The following DTD1 variants were observed in gnomAD, a reference collection of about 807,000 sequenced individuals.
The protein encoded by DTD1 is D-aminoacyl-tRNA deacylase 1, also known as D-tyrosyl-tRNA deacylase 1 homolog.
A neutral mutation model predicts 25.6 loss-of-function variants in DTD1; 13 were observed. That is an observed-to-expected ratio of 0.51 (90% confidence interval 0.33 to 0.81). DTD1 has a LOEUF of 0.81. Among genes scored for constraint, DTD1 ranks in the 30% least tolerant of loss-of-function variants. The pLI, the probability that DTD1 is intolerant of heterozygous loss-of-function variation, is 0.02. For missense variants in DTD1, 193 were observed against 266.4 expected, an observed-to-expected ratio of 0.72 and a Z score of 1.92; for synonymous variants, 110 against 103.6, an observed-to-expected ratio of 1.06 and a Z score of -0.37.
At chr20:18,736,321 T>A (rs758797512) in intron 4 of DTD1, among the ~76,000 whole-genome samples, 1 of 152,194 alleles carries the variant, frequency 6.6e-6, no homozygotes, top group African/African-American at 2.4e-5. Flanking sequence ...GTGAGTGGAA[T>A]CTTCAGGTGG....
intron 3 of DTD1, 42 bp downstream of exon 3, chr20:18,596,283 C>T (rs769271245): frequency 6.6e-7 from 1 of 1,522,700 alleles, no homozygotes; most frequent in South Asian, 1.2e-5. Context: ...CTTTGGGACA[C>T]TCCTGGATGG....
At chr20:18,678,730 C>T (rs2060985502) in intron 4 of DTD1, 3 of 152,258 alleles carry the variant, frequency 2.0e-5, no homozygotes, top group African/African-American at 7.2e-5. Flanking sequence ...TTCCCCATTC[C>T]TCTTCCTCCC....
At chr20:18,745,000 A>T (rs1168696641) in intron 5 of DTD1, among the ~76,000 whole-genome samples, 1 of 152,210 alleles carries the variant, frequency 6.6e-6, no homozygotes. Flanking sequence ...TGCCTGTGCC[A>T]GTCCACAGCT....
At chr20:18,717,916 AT>A (rs1175204153) in intron 4 of DTD1, among the ~76,000 whole-genome samples, 9 of 152,220 alleles carry the variant, frequency 5.9e-5, no homozygotes, top group Non-Finnish European at 8.8e-5. Context: ...CTGAAAAAAA[AT>A]ATGGTATTTA....
intron 4 of DTD1, among the ~76,000 whole-genome samples, chr20:18,724,311 C>G (rs546378287): frequency 6.6e-6 from 1 of 152,308 alleles, no homozygotes; most frequent in South Asian, 2.1e-4. Context: ...GTACCTCCCA[C>G]TGTGGTGTGT....
intron 4 of DTD1, among the ~76,000 whole-genome samples, chr20:18,686,817 C>T (rs1355047222): frequency 6.6e-6 from 1 of 152,094 alleles, no homozygotes; most frequent in Non-Finnish European, 1.5e-5. Context: ...CAGACCATGG[C>T]TATGGCCCTA....
At chr20:18,753,706 G>A (rs1411429009) in intron 5 of DTD1, among the ~76,000 whole-genome samples, 1 of 150,942 alleles carries the variant, frequency 6.6e-6, no homozygotes, top group Non-Finnish European at 1.5e-5. Flanking sequence ...AAAGCCAATT[G>A]CTGTCAAGGT....
intron 2 of DTD1, 74 bp from the exon 3 acceptor site, chr20:18,595,932 C>A: frequency 7.6e-7 from 1 of 1,318,920 alleles, no homozygotes; most frequent in Non-Finnish European, 1.1e-6. Flanking sequence ...AAGCTGGTGA[C>A]ATTTTTGGGG....
chr20:18,618,720 T>A (rs2060720255), intron 3 of DTD1, among the ~76,000 whole-genome samples: 1 of 133,196 alleles, frequency 7.5e-6, no homozygotes, highest in Admixed American at 7.5e-5. Flanking sequence ...CACATATAAT[T>A]TTTTTTTTTG....
intron 4 of DTD1, among the ~76,000 whole-genome samples, chr20:18,717,247 G>A (rs1284573989): frequency 6.6e-6 from 1 of 152,188 alleles, no homozygotes; most frequent in East Asian, 1.9e-4. Context: ...CTTGCAACAG[G>A]TGAGTTCACC....
chr20:18,742,420 G>C (rs1399419421), intron 4 of DTD1, among the ~76,000 whole-genome samples: 1 of 152,162 alleles, frequency 6.6e-6, no homozygotes, highest in African/African-American at 2.4e-5. Flanking sequence ...GGCCTGTTAG[G>C]AACTAGTCTG....
At chr20:18,759,043 G>A (rs1017548546) in intron 5 of DTD1, among the ~76,000 whole-genome samples, 37 of 152,134 alleles carry the variant, frequency 2.4e-4, no homozygotes, top group African/African-American at 8.9e-4. Flanking sequence ...TTTTATCAGA[G>A]ACTAGGATTG....
chr20:18,718,118 C>T (rs17736481), intron 4 of DTD1, among the ~76,000 whole-genome samples: 4,356 of 152,266 alleles, frequency 0.029, 94 homozygotes, highest in Non-Finnish European at 0.045. Context: ...CCAGTTTATC[C>T]TGCTCAATCT....
intron 4 of DTD1, among the ~76,000 whole-genome samples, chr20:18,651,987 C>G (rs1257244470): frequency 6.6e-6 from 1 of 152,214 alleles, no homozygotes; most frequent in African/African-American, 2.4e-5. Context: ...CCGTTAGCCA[C>G]TGGTTCCTGT....
chr20:18,690,247 C>A (rs1339842913), intron 4 of DTD1, among the ~76,000 whole-genome samples: 1 of 151,848 alleles, frequency 6.6e-6, no homozygotes, highest in African/African-American at 2.4e-5. Context: ...GGATTTTAGA[C>A]CTTTGTCAGA....
chr20:18,735,066 C>T (rs2061250739), intron 4 of DTD1, among the ~76,000 whole-genome samples: 1 of 152,200 alleles, frequency 6.6e-6, no homozygotes, highest in Non-Finnish European at 1.5e-5. Context: ...GATATTTGAT[C>T]TTTATGACTT....
intron 4 of DTD1, among the ~76,000 whole-genome samples, chr20:18,730,322 C>T (rs896687288): frequency 6.6e-6 from 1 of 152,150 alleles, no homozygotes; most frequent in East Asian, 1.9e-4. Flanking sequence ...AGATAAATCC[C>T]AATGGGTGTG....
At chr20:18,693,177 G>A (rs2061054817) in intron 4 of DTD1, among the ~76,000 whole-genome samples, 1 of 152,202 alleles carries the variant, frequency 6.6e-6, no homozygotes, top group Non-Finnish European at 1.5e-5. Context: ...ACAGGCGTAA[G>A]CCACTGCACC....
intron 4 of DTD1, among the ~76,000 whole-genome samples, chr20:18,645,390 C>T (rs557034430): frequency 2.6e-5 from 4 of 152,234 alleles, no homozygotes; most frequent in South Asian, 2.1e-4. Context: ...TTGCAGTGCC[C>T]GGAGCAGAAG....
Sources: gnomAD v4.1 joint callset for allele counts (sites outside exome capture counted in the v4.1 genomes callset) on GRCh38, gnomAD v4.1.1 for gene constraint, MANE v1.5 for transcripts, NCBI Gene and HGNC (gene_info 2026-07-23, HGNC 2026-07-21) for gene names.